Variants in NCOR2 observed in about 807,000 individuals in gnomAD.
NCOR2 encodes nuclear receptor corepressor 2.
NCOR2 carries 81 observed loss-of-function variants against 262.9 expected under a neutral mutation model. The observed-to-expected ratio is 0.31, with a 90% CI of 0.26 to 0.37. The LOEUF (loss-of-function observed/expected upper bound fraction) is 0.37, where lower values mean the gene tolerates loss of function less well. Among genes scored for constraint, NCOR2 ranks in the 10% least tolerant of loss-of-function variants. The pLI is 1.00. For missense variants in NCOR2, 3,385 were observed against 3,621.4 expected (o/e 0.93, Z 1.68); for synonymous variants, 1,659 against 1,559.3 (o/e 1.06, Z -1.51).
Position 124,501,057 on chromosome 12 carries a change from C to T in NCOR2, c.-117-5689G>A, listed in dbSNP as rs373753032. ...CGCCCACGGCACGAGCGCGCGCGCA[C>T]GCGCGCACACACACACACACACACA... On this transcript the variant is annotated intron_variant, in intron 1 of 46. Transcript: ENST00000404621. Among the ~76,000 whole-genome samples the T allele has an allele frequency of 9.4e-4, 41 of 43,404 alleles. 1 individual carries two copies. Among genetic ancestry groups the T allele is most frequent in the Admixed American group, 3.4e-3 (11 of 3,270 alleles). The allele number at this position is 43,404 out of a possible 152,430, so 28.5% of individuals were successfully genotyped here.
intron 28 of NCOR2, 35 bp from the exon 31 acceptor site, chr12:124,348,349 G>A: frequency 4.4e-6 from 7 of 1,573,910 alleles, no homozygotes; most frequent in Non-Finnish European, 6.0e-6. Flanking sequence ...TGAGGAGCTG[G>A]GCACGGGCCC....
rs2047471009 is a variant in NCOR2 at position 124,481,351 on chromosome 12, G to A, written c.411+2245C>T. Among the ~76,000 whole-genome samples, 1 of 152,110 alleles carries A rather than the reference G, an allele frequency of 6.6e-6. No individual in the cohort carries two copies. Among genetic ancestry groups the A allele is most frequent in the Non-Finnish European group, 1.5e-5 (1 of 67,992 alleles). On this transcript the variant is annotated intron_variant, in intron 3 of 46. Coordinates refer to ENST00000405201, the Ensembl canonical transcript of NCOR2. This position sits in a 1 kb window ranked among gnomAD's most constrained non-coding sequence, Gnocchi z 4.6. The stretch of plus-strand genomic sequence containing the variant: ...CAGGCGGCCCAAGCCCCAGGCCACA[G>A]AGACCCCCTTCAAGGCCGGCAGGGC...
At chr12:124,473,246 A>G (rs2046918740) in intron 3 of NCOR2, 115 bp from the exon 6 acceptor site, 1 of 1,231,670 alleles carries the variant, frequency 8.1e-7, no homozygotes, top group African/African-American at 1.5e-5. Flanking sequence ...CAAAGTATTG[A>G]TCCTCGGTAT....
rs1049798384 is a variant in NCOR2, at chr12:124,419,867, G to A, written c.1482+90C>T. 24 of 1,182,424 alleles carry A rather than the reference G, an allele frequency of 2.0e-5. No individual in the cohort carries two copies. In the African/African-American group the frequency reaches 2.7e-4, roughly 13 times the overall value. 73.2% of individuals were successfully genotyped at this position (1,182,424 alleles called of 1,614,324 possible). A position where few individuals can be genotyped will look rare whatever the true frequency, so the allele number is the denominator to read the frequency against. On this transcript the variant is annotated intron_variant, in intron 13 of 46. Transcript: ENST00000405201. ...ACAACAACTCATGGAGACAGTTACC[G>A]CCAGCCATGCGGGGTGCTGGCCACC... is the stretch of plus-strand genomic sequence containing the variant.
chr12:124,456,800 C>T (rs1042396171), intron 6 of NCOR2, among the ~76,000 whole-genome samples: 3 of 152,212 alleles, frequency 2.0e-5, no homozygotes, highest in Non-Finnish European at 2.9e-5. Flanking sequence ...CACCGGCCTA[C>T]GGATGTGTGA....
chr12:124,370,403 C>T (rs2039402813), intron 20 of NCOR2, among the ~76,000 whole-genome samples: 1 of 152,192 alleles, frequency 6.6e-6, no homozygotes, highest in South Asian at 2.1e-4. Context: ...GGACTTCCCC[C>T]TTTAACATGG....
intron 1 of NCOR2, among the ~76,000 whole-genome samples, chr12:124,511,135 C>T (rs527895529): frequency 6.6e-6 from 1 of 152,252 alleles, no homozygotes; most frequent in Non-Finnish European, 1.5e-5. Flanking sequence ...AACAGAGAGA[C>T]TGAGGCTGAG....
At chr12:124,520,170 T>C (rs2050100432) in intron 1 of NCOR2, among the ~76,000 whole-genome samples, 1 of 152,204 alleles carries the variant, frequency 6.6e-6, no homozygotes, top group South Asian at 2.1e-4. Flanking sequence ...CCTGGGGGGT[T>C]TCCGTAGACC....
At chr12:124,337,772 AGCTGGGGCACAGCTGCCCCTGCACAGG>A (rs369743951) in intron 37 of NCOR2, among the ~76,000 whole-genome samples, 4,897 of 152,308 alleles carry the variant, frequency 0.032, 131 homozygotes, top group African/African-American at 0.074. Context: ...GTGAGTGAGA[AGCTGGGGCACAGCTGCCCCTGCACAGG>A]GCTGGGGCTG....
At chr12:124,382,082 A>T (rs2040452800) in intron 17 of NCOR2, among the ~76,000 whole-genome samples, 1 of 152,060 alleles carries the variant, frequency 6.6e-6, no homozygotes, top group South Asian at 2.1e-4. Flanking sequence ...TGTACTCCAG[A>T]CAGGGCTGGG....
At chr12:124,330,178 C>T (rs75382802) in intron 44 of NCOR2, among the ~76,000 whole-genome samples, 1 of 152,200 alleles carries the variant, frequency 6.6e-6, no homozygotes. Flanking sequence ...CAGCCGACCC[C>T]AAAACTGCCT....
chr12:124,474,414 A>G (rs111610783), intron 3 of NCOR2, among the ~76,000 whole-genome samples: 379 of 4,492 alleles, frequency 0.084, 2 homozygotes, highest in African/African-American at 0.18. Flanking sequence ...TGTGTAATAC[A>G]GCTGTTTTGA....
Position 124,384,494 on chromosome 12 carries a change from C to A in NCOR2, c.2019+1251G>T, listed in dbSNP as rs185999470. Reference sequence around the variant, plus strand: ...CTGAGGCCAGAGGGTGGATCTCAGCCCTGACCACAGGGCCGTGGGACCGTG... The same window carrying A: ...CTGAGGCCAGAGGGTGGATCTCAGCACTGACCACAGGGCCGTGGGACCGTG... On this transcript the variant is annotated intron_variant, in intron 17 of 46. Transcript: ENST00000405201. Among the ~76,000 whole-genome samples the A allele has an allele frequency of 2.0e-3, 298 of 152,230 alleles. 2 individuals carry two copies. The highest frequency in any genetic ancestry group is 3.5e-3 in the Admixed American group (54 of 15,298).
At chr12:124,529,074 G>A (rs2050638073) in intron 1 of NCOR2, among the ~76,000 whole-genome samples, 1 of 151,308 alleles carries the variant, frequency 6.6e-6, no homozygotes, top group African/African-American at 2.4e-5. Context: ...AGCTTCTAGG[G>A]AGGCTGAGGC....
chr12:124,483,912 C>A lies in NCOR2; in HGVS notation c.234-139G>T. ...CTGCCAGGAAGGTGCTCACAGGAGCCCACCTCCCACGGTCCCACAGCAGGG... is the reference window on the plus strand; with the variant it reads ...CTGCCAGGAAGGTGCTCACAGGAGCACACCTCCCACGGTCCCACAGCAGGG... On this transcript the variant is annotated intron_variant, in intron 2 of 46. Transcript: ENST00000405201. The surrounding 1 kb of genome is among the most constrained non-coding windows in gnomAD (Gnocchi z 6.3). 1 of 999,008 alleles carries A rather than the reference C, an allele frequency of 1.0e-6. No individual in the cohort carries two copies. 61.9% of individuals were successfully genotyped at this position (999,008 alleles called of 1,614,324 possible). A position where few individuals can be genotyped will look rare whatever the true frequency, so the allele number is the denominator to read the frequency against.
At chr12:124,471,902 T>A (rs1387222308) in intron 4 of NCOR2, among the ~76,000 whole-genome samples, 3 of 152,230 alleles carry the variant, frequency 2.0e-5, no homozygotes, top group Non-Finnish European at 1.5e-5. Flanking sequence ...CAGCAAATAT[T>A]TTTGACTTTG....
chr12:124,476,774 A>G (rs924013611), intron 3 of NCOR2, among the ~76,000 whole-genome samples: 4 of 152,222 alleles, frequency 2.6e-5, no homozygotes, highest in Non-Finnish European at 5.9e-5. Context: ...CCTGATGAAC[A>G]GATAAATAAA....
At position 124,383,374 on chromosome 12, in the gene NCOR2, C is replaced by A. The variant is rs139428540; in HGVS notation, c.2019+2371G>T. ...GTGCCTGCACGCACCGTTCAAGAGG[C>A]GCCCTCGTCAGTGGGATCTCTGGCT... is the stretch of plus-strand genomic sequence containing the variant. On this transcript the variant is annotated intron_variant, in intron 17 of 46. Coordinates refer to ENST00000405201, the Ensembl canonical transcript of NCOR2. 1.4e-3 allele frequency: 359 copies of A among 254,780 alleles called. 1 individual carries two copies. The highest frequency in any genetic ancestry group is 7.2e-3 in the African/African-American group (316 of 44,048). The allele number at this position is 254,780 out of a possible 1,614,324, so 15.8% of individuals were successfully genotyped here.
chr12:124,528,906 G>A (rs552726753), intron 1 of NCOR2, among the ~76,000 whole-genome samples: 8 of 152,320 alleles, frequency 5.3e-5, no homozygotes, highest in Admixed American at 2.0e-4. Context: ...ACCTCTGGGC[G>A]CGGTGGCTCA....
Sources: gnomAD v4.1 joint callset for allele counts (sites outside exome capture counted in the v4.1 genomes callset) on GRCh38, gnomAD v4.1.1 for gene constraint, Gnocchi (gnomAD v3.1) non-coding constraint, MANE v1.5 for transcripts, NCBI Gene and HGNC (gene_info 2026-07-23, HGNC 2026-07-21) for gene names.